Variants in DNAAF9 observed in about 807,000 individuals in gnomAD.
DNAAF9 encodes shulin.
A neutral mutation model predicts 167.0 loss-of-function variants in DNAAF9; 90 were observed. The observed-to-expected ratio is 0.54, with a 90% CI of 0.45 to 0.64. The LOEUF is 0.64. Among genes scored for constraint, DNAAF9 ranks in the 30% least tolerant of loss-of-function variants. DNAAF9 has a pLI of 0.00. For missense variants in DNAAF9, 1,315 were observed against 1,442.2 expected, an observed-to-expected ratio of 0.91 and a Z score of 1.43; for synonymous variants, 491 against 508.8, an observed-to-expected ratio of 0.96 and a Z score of 0.47.
At chr20:3,342,185 C>T (rs1459546342) in intron 9 of DNAAF9, among the ~76,000 whole-genome samples, 1 of 152,204 alleles carries the variant, frequency 6.6e-6, no homozygotes, top group Non-Finnish European at 1.5e-5. Flanking sequence ...AACTTCAATA[C>T]TCCAGCCAAG....
chr20:3,269,497 G>A (rs1412579752), intron 30 of DNAAF9, among the ~76,000 whole-genome samples: 2 of 152,022 alleles, frequency 1.3e-5, no homozygotes, highest in Admixed American at 6.6e-5. Context: ...CATCACATCC[G>A]ACCCTTCTCT....
At chr20:3,367,596 T>G (rs941592984) in intron 6 of DNAAF9, among the ~76,000 whole-genome samples, 1 of 152,082 alleles carries the variant, frequency 6.6e-6, no homozygotes, top group South Asian at 2.1e-4. Flanking sequence ...AATATTGTTA[T>G]GGTCAATGAA....
chr20:3,314,131 T>C (rs962460033), intron 20 of DNAAF9, among the ~76,000 whole-genome samples: 2 of 152,232 alleles, frequency 1.3e-5, no homozygotes, highest in East Asian at 1.9e-4. Flanking sequence ...GAGAGAACTA[T>C]GTTCAGGAGC....
At chr20:3,365,098 G>A (rs2083413148) in intron 6 of DNAAF9, among the ~76,000 whole-genome samples, 1 of 152,026 alleles carries the variant, frequency 6.6e-6, no homozygotes, top group Admixed American at 6.6e-5. Context: ...AGCCTCCAGA[G>A]TAGCTAGAAC....
chr20:3,303,201 C>G (rs1362360824), intron 21 of DNAAF9, among the ~76,000 whole-genome samples: 1 of 150,134 alleles, frequency 6.7e-6, no homozygotes, highest in Non-Finnish European at 1.5e-5. Flanking sequence ...GAGATCGCAC[C>G]ACTGCACTCC....
At chr20:3,388,580 G>C (rs747666919) in intron 1 of DNAAF9, among the ~76,000 whole-genome samples, 10 of 152,134 alleles carry the variant, frequency 6.6e-5, no homozygotes, top group Admixed American at 3.3e-4. Flanking sequence ...AACAAAATGT[G>C]ATACATACAC....
chr20:3,317,372 A>C (rs945883172), intron 17 of DNAAF9, among the ~76,000 whole-genome samples: 28 of 151,222 alleles, frequency 1.9e-4, no homozygotes, highest in African/African-American at 4.9e-4. Context: ...AAAAAAAAAA[A>C]AAAAAAAAAC....
At chr20:3,318,102 CTCTT>C (rs1336782890) in intron 17 of DNAAF9, among the ~76,000 whole-genome samples, 183 bp downstream of exon 17, 6 of 142,750 alleles carry the variant, frequency 4.2e-5, no homozygotes, top group African/African-American at 1.0e-4. Context: ...TTTAATGTTT[CTCTT>C]TTTTTTTTTT....
At chr20:3,275,970 C>T (rs2068669629) in intron 29 of DNAAF9, among the ~76,000 whole-genome samples, 1 of 152,220 alleles carries the variant, frequency 6.6e-6, no homozygotes, top group Admixed American at 6.5e-5. Context: ...AGTATCTCCA[C>T]TTTGCTCTCA....
chr20:3,343,615 C>T (rs1480215521), intron 9 of DNAAF9, 61 bp downstream of exon 9: 2 of 1,361,784 alleles, frequency 1.5e-6, no homozygotes, highest in African/African-American at 2.9e-5. Context: ...ACAGCCAACC[C>T]CTTTGCCACC....
intron 10 of DNAAF9, among the ~76,000 whole-genome samples, chr20:3,339,800 G>A (rs2070042134): frequency 6.6e-6 from 1 of 152,194 alleles, no homozygotes; most frequent in Admixed American, 6.5e-5. Context: ...TGAGGTGGGA[G>A]GATCACCTGA....
At chr20:3,311,995 C>CTTTTTCTTCT (rs1555790792) in intron 20 of DNAAF9, among the ~76,000 whole-genome samples, 2 of 145,096 alleles carry the variant, frequency 1.4e-5, no homozygotes. Context: ...TCTTTTTTTT[C>CTTTTTCTTCT]TTTTTTTTTT....
chr20:3,370,729 A>G (rs2123211093), intron 6 of DNAAF9, among the ~76,000 whole-genome samples: 1 of 152,048 alleles, frequency 6.6e-6, no homozygotes, highest in East Asian at 1.9e-4. Context: ...ATTTTTTTAA[A>G]ATTTTTTTGT....
At chr20:3,254,697 G>A (rs2068248405) in intron 35 of DNAAF9, among the ~76,000 whole-genome samples, 1 of 152,160 alleles carries the variant, frequency 6.6e-6, no homozygotes, top group South Asian at 2.1e-4. Context: ...TAGACTCTGT[G>A]TCCTTTTTAG....
At chr20:3,393,390 T>C (rs1323776883) in intron 1 of DNAAF9, among the ~76,000 whole-genome samples, 1 of 152,072 alleles carries the variant, frequency 6.6e-6, no homozygotes, top group Non-Finnish European at 1.5e-5. Flanking sequence ...GGCATGCCTA[T>C]GGTCCCAGCT....
chr20:3,405,905 C>G (rs540731204), intron 1 of DNAAF9, among the ~76,000 whole-genome samples: 1 of 152,232 alleles, frequency 6.6e-6, no homozygotes, highest in Non-Finnish European at 1.5e-5. Flanking sequence ...AGTTCAAATA[C>G]TTTCTGCTTC....
At chr20:3,359,693 T>G in intron 6 of DNAAF9, 100 bp from the exon 7 acceptor site, 1 of 765,984 alleles carries the variant, frequency 1.3e-6, no homozygotes, top group Non-Finnish European at 2.2e-6. Context: ...TGGTATAAAC[T>G]AGTGTGAACA....
chr20:3,325,885 T>G (rs1312757588), intron 13 of DNAAF9, among the ~76,000 whole-genome samples: 5 of 42,800 alleles, frequency 1.2e-4, no homozygotes, highest in Admixed American at 2.8e-4. Flanking sequence ...TCTTTTTGGT[T>G]TTTTTTTTTT....
chr20:3,289,724 C>T (rs6051718), intron 26 of DNAAF9, among the ~76,000 whole-genome samples: 29,319 of 151,946 alleles, frequency 0.19, 3,066 homozygotes, highest in African/African-American at 0.24. Context: ...GTTGTCAAGG[C>T]TGGTCTCAAA....
Sources: gnomAD v4.1 joint callset for allele counts (sites outside exome capture counted in the v4.1 genomes callset) on GRCh38, gnomAD v4.1.1 for gene constraint, MANE v1.5 for transcripts, NCBI Gene and HGNC (gene_info 2026-07-23, HGNC 2026-07-21) for gene names.